NADK2: variants seen among roughly 807,000 people sequenced by gnomAD.
NADK2 encodes NAD kinase 2, mitochondrial, also known as NAD kinase domain-containing protein 1, mitochondrial.
NADK2 carries 35 observed loss-of-function variants against 62.1 expected under a neutral mutation model. That is an observed-to-expected ratio of 0.56 (90% CI 0.43 to 0.75). The LOEUF is 0.75. Ranked by LOEUF, NADK2 falls within the 30% of genes least tolerant of loss-of-function variation. The pLI is 0.00. For synonymous variants in NADK2, 205 were observed against 207.9 expected (o/e 0.99, Z 0.12); for missense variants, 439 against 561.3 (o/e 0.78, Z 2.20).
chr5:36,200,385 A>T lies in NADK2; in HGVS notation c.1013-105T>A, dbSNP rs573872588. On this transcript the variant is annotated intron_variant, in intron 9 of 11. Transcript: ENST00000381937. ...AAAATGCTTAAAGTGTATATGTGTT[A>T]TATATATATATGTTATTATGTAACA... is the stretch of plus-strand genomic sequence containing the variant. 9.8e-3 allele frequency: 4,226 copies of T among 431,754 alleles called. 22 individuals are homozygous for T. The highest frequency in any genetic ancestry group is 0.013 in the Non-Finnish European group (3,608 of 270,846). The allele number at this position is 431,754 out of a possible 1,614,324, so 26.7% of individuals were successfully genotyped here. A position where few individuals can be genotyped will look rare whatever the true frequency, so the allele number is the denominator to read the frequency against.
chr5:36,241,501 G>A lies in NADK2; in HGVS notation c.298C>T (p.Leu100=), dbSNP rs1025434942. The change falls in exon 1 of 12, where the codon CTG becomes TTG. Residue 100 remains leucine, a splice_region_variant and synonymous_variant. Transcript: ENST00000381937. This position sits in a 1 kb window ranked among gnomAD's most constrained non-coding sequence, Gnocchi z 4.9. ...AELSEEDLKQ[L]LALKGSSYSG... ...AGCGGGGCCGAGCCAGGACCCACCA[G>A]CTGCTTCAGGTCCTCCTCCGAGAGC... The A allele has an allele frequency of 1.3e-6, 2 of 1,551,030 alleles. No homozygotes were observed. Among genetic ancestry groups the A allele is most frequent in the Non-Finnish European group, 1.7e-6 (2 of 1,157,484 alleles).
intron 8 of NADK2, among the ~76,000 whole-genome samples, chr5:36,204,041 T>C (rs1401747612): frequency 4.6e-5 from 7 of 152,154 alleles, no homozygotes; most frequent in Admixed American, 4.6e-4. Flanking sequence ...TGACTCTTAC[T>C]TCTTGTATAA....
chr5:36,224,480 C>T (rs867045510), intron 4 of NADK2, among the ~76,000 whole-genome samples: 2 of 151,090 alleles, frequency 1.3e-5, no homozygotes, highest in African/African-American at 2.4e-5. Flanking sequence ...TTGCTTGAAC[C>T]CAGGAGGCAG....
chr5:36,229,774 G>A (rs773711582), intron 1 of NADK2, among the ~76,000 whole-genome samples: 1 of 149,914 alleles, frequency 6.7e-6, no homozygotes, highest in Non-Finnish European at 1.5e-5. Flanking sequence ...AATTTAGAGG[G>A]CTAGATATTG....
intron 10 of NADK2, among the ~76,000 whole-genome samples, chr5:36,198,919 GA>G (rs1392280616): frequency 1.3e-5 from 2 of 151,772 alleles, no homozygotes; most frequent in Non-Finnish European, 2.9e-5. Flanking sequence ...GTCTTATGTG[GA>G]AACCTAACAA....
In NADK2 at chr5:36,241,045, G is replaced by T. The variant is rs115888871; in HGVS notation, c.300+454C>A. The stretch of plus-strand genomic sequence containing the variant: ...CCCTTTTCCCCCGGCAGCCCTCAGC[G>T]GCGCCCTGGGCCCCCTTTCTCGCGG... On this transcript the variant is annotated intron_variant, in intron 1 of 11. Transcript: ENST00000381937. The surrounding 1 kb of genome is among the most constrained non-coding windows in gnomAD (Gnocchi z 4.9). 7.9e-5 allele frequency among the ~76,000 whole-genome samples: 12 copies of T among 152,264 alleles called. No homozygotes were observed. The South Asian group carries it at 2.5e-3, about 31-fold the overall frequency.
chr5:36,225,613 T>C lies in NADK2; in HGVS notation c.489A>G (p.Thr163=), dbSNP rs751996083. The change falls in exon 4 of 12, where the codon ACA becomes ACG. Residue 163 remains threonine (T), a synonymous_variant. Coordinates refer to ENST00000381937, the MANE Select transcript of NADK2 (RefSeq NM_001085411.3). ...DAVIAAGGDG[T]MLLAASKVLD... ...AGACTTTACTCGCTGCCAGCAGCATTGTGCCATCACCTAAGGAACATAAGA... is the reference window on the plus strand; with the variant it reads ...AGACTTTACTCGCTGCCAGCAGCATCGTGCCATCACCTAAGGAACATAAGA... 1 of 1,613,922 alleles carries C rather than the reference T, an allele frequency of 6.2e-7. No homozygotes were observed.
At chr5:36,211,747 T>C (rs1057264355) in intron 7 of NADK2, 97 bp downstream of exon 7, 1 of 1,022,372 alleles carries the variant, frequency 9.8e-7, no homozygotes, top group African/African-American at 1.6e-5. Context: ...TTGCAAAATA[T>C]TATTCACAAA....
chr5:36,199,747 G>A (rs188980965), intron 10 of NADK2, among the ~76,000 whole-genome samples: 191 of 152,050 alleles, frequency 1.3e-3, no homozygotes, highest in African/African-American at 4.2e-3. Context: ...TGGAACCTAC[G>A]ATTTCAGATT....
Position 36,194,472 on chromosome 5 carries a change from G to A in NADK2, c.*672C>T, listed in dbSNP as rs1320396344. The A allele has an allele frequency of 6.6e-6, 1 of 152,102 alleles. No individual in the cohort carries two copies. The highest frequency in any genetic ancestry group is 2.1e-4 in the South Asian group (1 of 4,826). The allele number at this position is 152,102 out of a possible 1,614,324, so 9.4% of individuals were successfully genotyped here. On this transcript the variant is annotated 3_prime_UTR_variant, in exon 12 of 12. Coordinates refer to ENST00000381937, the MANE Select transcript of NADK2 (RefSeq NM_001085411.3). ...ACTAATACATTTGTAACAGCATCATGATTTGTTTTGCTATCTGTATTTCAC... is the reference window on the plus strand; with the variant it reads ...ACTAATACATTTGTAACAGCATCATAATTTGTTTTGCTATCTGTATTTCAC...
rs1397000813 is a variant in NADK2, at chr5:36,241,390, C to T, written c.300+109G>A. On this transcript the variant is annotated intron_variant, in intron 1 of 11. Coordinates refer to ENST00000381937, the MANE Select transcript of NADK2 (RefSeq NM_001085411.3). The surrounding 1 kb of genome is among the most constrained non-coding windows in gnomAD (Gnocchi z 4.9). ...GCCGCGAGAGAGGCAGGACCGGCAT[C>T]TGCGGTGCCCTGGGAAGAGTCGTCC... 1.4e-5 allele frequency: 19 copies of T among 1,359,740 alleles called. No homozygotes were observed. Among genetic ancestry groups the T allele is most frequent in the Non-Finnish European group, 1.8e-5 (19 of 1,058,734 alleles). 84.2% of individuals were successfully genotyped at this position (1,359,740 alleles called of 1,614,324 possible). A position where few individuals can be genotyped will look rare whatever the true frequency, so the allele number is the denominator to read the frequency against.
At chr5:36,195,323 C>A in intron 11 of NADK2, 41 bp from the exon 12 acceptor site, 1 of 1,543,972 alleles carries the variant, frequency 6.5e-7, no homozygotes, top group Non-Finnish European at 8.7e-7. Flanking sequence ...TAATAGTTTT[C>A]TTAATAGGTT....
intron 1 of NADK2, among the ~76,000 whole-genome samples, chr5:36,240,661 G>T (rs1748073295): frequency 6.6e-6 from 1 of 152,170 alleles, no homozygotes; most frequent in Non-Finnish European, 1.5e-5. Flanking sequence ...ATGACAACAG[G>T]AAGATTCAAA....
In NADK2 at chr5:36,241,639, C is replaced by T. The variant is rs781469723; in HGVS notation, c.160G>A (p.Glu54Lys). 14 of 1,450,332 alleles carry T rather than the reference C, an allele frequency of 9.7e-6. No homozygotes were observed. Among genetic ancestry groups the T allele is most frequent in the South Asian group, 1.3e-5 (1 of 75,362 alleles). The allele number at this position is 1,450,332 out of a possible 1,614,324, so 89.8% of individuals were successfully genotyped here. The change falls in exon 1 of 12, where the codon GAG (glutamate) becomes AAG (lysine). Residue 54 changes from glutamate (E) to lysine (K), a missense_variant. Coordinates refer to ENST00000381937, the MANE Select transcript of NADK2 (RefSeq NM_001085411.3). The surrounding 1 kb of genome is among the most constrained non-coding windows in gnomAD (Gnocchi z 4.9). ...GCGCGGCTGCCACAGCCCGCCAGCT[C>T]GCGCGGCTGCCCCTGCCCCAGGTGC... is the stretch of plus-strand genomic sequence containing the variant. ...RRHLGQGQPR[E>K]LAGCGSRADG...
chr5:36,215,285 T>C (rs1394947490), intron 6 of NADK2, among the ~76,000 whole-genome samples: 3 of 152,216 alleles, frequency 2.0e-5, no homozygotes, highest in Non-Finnish European at 4.4e-5. Context: ...CTAAGTTTCC[T>C]AATTGAAATT....
intron 2 of NADK2, among the ~76,000 whole-genome samples, 181 bp downstream of exon 2, chr5:36,227,296 A>C (rs376093042): frequency 1.3e-5 from 2 of 152,204 alleles, no homozygotes; most frequent in African/African-American, 4.8e-5. Flanking sequence ...TTTTCAGAGA[A>C]CAATAAATTT....
At chr5:36,200,172 C>T in intron 10 of NADK2, 55 bp downstream of exon 10, 1 of 1,309,064 alleles carries the variant, frequency 7.6e-7, no homozygotes, top group Non-Finnish European at 1.0e-6. Context: ...ACACTATCAT[C>T]CTTAAAACTG....
In NADK2 at chr5:36,205,613, T is replaced by A. The variant is rs1358494021; in HGVS notation, c.956+1557A>T. On this transcript the variant is annotated intron_variant, in intron 8 of 11. Transcript: ENST00000381937. The surrounding 1 kb of genome is among the most constrained non-coding windows in gnomAD (Gnocchi z 4.1). Reference sequence around the variant, plus strand: ...TATAAGGCAGAGAAGAGAGACAGATTTATCTACATTTTAGAAATATTACTC... The same window carrying A: ...TATAAGGCAGAGAAGAGAGACAGATATATCTACATTTTAGAAATATTACTC... Among the ~76,000 whole-genome samples, 3 of 151,988 alleles carry A rather than the reference T, an allele frequency of 2.0e-5. No individual in the cohort carries two copies. Among genetic ancestry groups the A allele is most frequent in the African/African-American group, 7.2e-5 (3 of 41,412 alleles).
intron 7 of NADK2, chr5:36,208,691 C>T (rs1395827139): frequency 1.3e-6 from 2 of 1,529,140 alleles, no homozygotes; most frequent in Non-Finnish European, 1.8e-6. Context: ...ATAAGACATT[C>T]TAGGTTAGAA....
Sources: gnomAD v4.1 joint callset for allele counts (sites outside exome capture counted in the v4.1 genomes callset) on GRCh38, gnomAD v4.1.1 for gene constraint, Gnocchi (gnomAD v3.1) non-coding constraint, MANE v1.5 for transcripts, NCBI Gene and HGNC (gene_info 2026-07-23, HGNC 2026-07-21) for gene names.